Variants in STEAP3 observed in about 807,000 individuals in gnomAD.
STEAP3 encodes the protein STEAP3 metalloreductase.
Under a neutral mutation model 34.9 loss-of-function variants are expected in STEAP3, and 35 were observed. The observed-to-expected ratio is 1.00, with a 90% CI of 0.76 to 1.33. STEAP3 has a LOEUF of 1.33. Ranked by LOEUF, STEAP3 falls within the 40% of genes most tolerant of loss-of-function variation. The pLI, the probability that STEAP3 is intolerant of heterozygous loss-of-function variation, is 0.00. For missense variants in STEAP3, 652 were observed against 667.6 expected, an observed-to-expected ratio of 0.98 and a Z score of 0.26; for synonymous variants, 281 against 301.6, an observed-to-expected ratio of 0.93 and a Z score of 0.71.
intron 3 of STEAP3, chr2:119,246,234 T>C (rs982804040): frequency 1.8e-6 from 1 of 542,862 alleles, no homozygotes; most frequent in African/African-American, 1.9e-5. Flanking sequence ...CTTTCTGCTA[T>C]GGTAACAGGG....
At chr2:119,259,914 G>A (rs73948632) in intron 5 of STEAP3, among the ~76,000 whole-genome samples, 17,651 of 152,176 alleles carry the variant, frequency 0.12, 1,227 homozygotes, top group Middle Eastern at 0.23. Context: ...AGAGGGGCCC[G>A]TGTGGACTTT....
intron 3 of STEAP3, chr2:119,246,910 G>A (rs1424652010): frequency 6.6e-6 from 1 of 152,148 alleles, no homozygotes; most frequent in Non-Finnish European, 1.5e-5. Flanking sequence ...AAGAAACAAT[G>A]CTCCTAGACC....
At chr2:119,257,593 T>C (rs1192123176) in intron 5 of STEAP3, 1 of 1,535,356 alleles carries the variant, frequency 6.5e-7, no homozygotes, top group Admixed American at 2.1e-5. Flanking sequence ...TGCTCACTTG[T>C]GCCTGTGTCC....
At position 119,264,569 on chromosome 2, in the gene STEAP3, T is replaced by C. The variant is rs1312779213; in HGVS notation, c.*1231T>C. 1.3e-5 allele frequency: 2 copies of C among 152,160 alleles called. No homozygotes were observed. The highest frequency in any genetic ancestry group is 6.5e-5 in the Admixed American group (1 of 15,280). 9.4% of individuals were successfully genotyped at this position (152,160 alleles called of 1,614,324 possible). A position where few individuals can be genotyped will look rare whatever the true frequency, so the allele number is the denominator to read the frequency against. ...TCTGTCCTCCAGTCACAGGCCATCC[T>C]TGCTGCTCCCTACTGACTCTAGCTT... On this transcript the variant is annotated 3_prime_UTR_variant, in exon 6 of 6. Transcript: ENST00000393110.
Position 119,250,800 on chromosome 2 carries a change from G to A in STEAP3, c.1050+2594G>A, listed in dbSNP as rs79803489. ...TGCAAATACCAGGGCACAGAGGGGC[G>A]CATGCAAGGTAATTTTCCCCGTGTC... On this transcript the variant is annotated intron_variant, in intron 4 of 5. Transcript: ENST00000393110. Among the ~76,000 whole-genome samples, 1,454 of 152,256 alleles carry A rather than the reference G, an allele frequency of 9.5e-3. 19 individuals carry two copies. Among genetic ancestry groups the A allele is most frequent in the African/African-American group, 0.033 (1,380 of 41,528 alleles).
Position 119,240,054 on chromosome 2 carries a change from T to C in STEAP3, c.23-5435T>C, listed in dbSNP as rs1677202315. Among the ~76,000 whole-genome samples the C allele has an allele frequency of 2.0e-5, 3 of 152,224 alleles. No individual in the cohort carries two copies. The South Asian group carries it at 6.2e-4, about 32-fold the overall frequency. On this transcript the variant is annotated intron_variant, in intron 2 of 5. Transcript: ENST00000393110. ...TTTTTTTTAATTGAAAATAAGTAGCTGGACGTGATAGCATGCGCCTGTAGT... is the reference window on the plus strand; with the variant it reads ...TTTTTTTTAATTGAAAATAAGTAGCCGGACGTGATAGCATGCGCCTGTAGT...
chr2:119,258,373 G>A (rs1455756017), intron 5 of STEAP3, among the ~76,000 whole-genome samples: 3 of 151,956 alleles, frequency 2.0e-5, no homozygotes, highest in East Asian at 1.9e-4. Context: ...GACTAGCAAC[G>A]TTTAACCTCC....
At chr2:119,229,423 G>T (rs1363036600) in intron 1 of STEAP3, among the ~76,000 whole-genome samples, 1 of 152,224 alleles carries the variant, frequency 6.6e-6, no homozygotes, top group Non-Finnish European at 1.5e-5. Flanking sequence ...ACCCAGAGTG[G>T]CAGAGGGGCC....
intron 2 of STEAP3, among the ~76,000 whole-genome samples, chr2:119,241,735 A>T (rs1425822629): frequency 2.0e-5 from 3 of 152,218 alleles, no homozygotes; most frequent in Non-Finnish European, 4.4e-5. Flanking sequence ...GGAAGGGAGC[A>T]GATGCCAAGT....
At chr2:119,228,360 G>C (rs200964609) in intron 1 of STEAP3, among the ~76,000 whole-genome samples, 1 of 152,306 alleles carries the variant, frequency 6.6e-6, no homozygotes, top group East Asian at 1.9e-4. Context: ...TGGCATCCAG[G>C]GGGGCTTTCT....
chr2:119,249,674 G>A (rs1467549714), intron 4 of STEAP3, among the ~76,000 whole-genome samples: 1 of 152,150 alleles, frequency 6.6e-6, no homozygotes, highest in Non-Finnish European at 1.5e-5. Context: ...GGGAAGCAGG[G>A]CTGGGCACCT....
intron 2 of STEAP3, 62 bp from the exon 3 acceptor site, chr2:119,245,427 G>C: frequency 1.3e-6 from 2 of 1,519,810 alleles, no homozygotes; most frequent in Non-Finnish European, 1.8e-6. Flanking sequence ...TAAGAGGAGG[G>C]AGGTGGCAGA....
Position 119,261,267 on chromosome 2 carries a change from G to A in STEAP3, c.1216-1790G>A, listed in dbSNP as rs189768788. 1.9e-3 allele frequency among the ~76,000 whole-genome samples: 294 copies of A among 152,196 alleles called. 1 individual carries two copies. Among genetic ancestry groups the A allele is most frequent in the Non-Finnish European group, 3.0e-3 (207 of 68,012 alleles). On this transcript the variant is annotated intron_variant, in intron 5 of 5. Coordinates refer to ENST00000393110, the MANE Select transcript of STEAP3 (RefSeq NM_182915.3). ...AGAAGCGTCTGTCAGCCGAGGCTCTGGATTGATGCCAACAAGCTGGGCTAG... is the reference window on the plus strand; with the variant it reads ...AGAAGCGTCTGTCAGCCGAGGCTCTAGATTGATGCCAACAAGCTGGGCTAG...
chr2:119,226,993 C>T (rs1679060752), intron 1 of STEAP3, among the ~76,000 whole-genome samples: 1 of 152,166 alleles, frequency 6.6e-6, no homozygotes, highest in East Asian at 1.9e-4. Flanking sequence ...CAAATTCTGC[C>T]TCATCGGTTA....
intron 2 of STEAP3, among the ~76,000 whole-genome samples, chr2:119,237,202 C>T (rs900667693): frequency 6.6e-6 from 1 of 152,206 alleles, no homozygotes; most frequent in African/African-American, 2.4e-5. Flanking sequence ...CCTTAGTAAC[C>T]TGCAAGGTCA....
intron 1 of STEAP3, among the ~76,000 whole-genome samples, chr2:119,227,810 GTATTTATTTATT>G (rs57135393): frequency 2.1e-5 from 3 of 145,256 alleles, no homozygotes; most frequent in African/African-American, 7.7e-5. Flanking sequence ...CCCATTTCTT[GTATTTATTTATT>G]TATTTATTTA....
intron 2 of STEAP3, among the ~76,000 whole-genome samples, chr2:119,236,506 T>C (rs1363675309): frequency 6.6e-6 from 1 of 152,178 alleles, no homozygotes; most frequent in Non-Finnish European, 1.5e-5. Flanking sequence ...TGAGCCCGTG[T>C]CCTGTTGGCT....
intron 1 of STEAP3, among the ~76,000 whole-genome samples, chr2:119,228,789 G>C (rs117482667): frequency 1.3e-5 from 2 of 152,104 alleles, no homozygotes; most frequent in Non-Finnish European, 2.9e-5. Context: ...CATGGCTTGT[G>C]GGGGGTGCTG....
rs758259221 is a variant in STEAP3, at chr2:119,247,796, A to G, written c.640A>G (p.Met214Val). The G allele has an allele frequency of 2.5e-6, 4 of 1,610,820 alleles. No individual in the cohort carries two copies. In the African/African-American group the frequency reaches 4.0e-5, roughly 16 times the overall value. The part of the protein sequence containing the change: ...SLASAWEVEA[M>V]PLRLLPAWKV... The stretch of plus-strand genomic sequence containing the variant: ...GGCGTCAGCCTGGGAGGTGGAGGCC[A>G]TGCCCCTGCGCCTCCTCCCGGCCTG... Residue 214 changes from methionine (M) to valine (V), a missense_variant, in exon 4 of 6, where the codon ATG (methionine) becomes GTG (valine). Coordinates refer to ENST00000393110, the MANE Select transcript of STEAP3 (RefSeq NM_182915.3).
Sources: allele counts gnomAD v4.1 joint callset (sites outside exome capture counted in the v4.1 genomes callset), GRCh38; gene constraint gnomAD v4.1.1; transcripts MANE v1.5; gene names NCBI Gene and HGNC (gene_info 2026-07-23, HGNC 2026-07-21).